THSD7B: variants seen among roughly 807,000 people sequenced by gnomAD.
THSD7B encodes thrombospondin type-1 domain-containing protein 7B.
Under a neutral mutation model 213.6 loss-of-function variants are expected in THSD7B, and 138 were observed. That is an observed-to-expected ratio of 0.65 (90% CI 0.56 to 0.74). THSD7B has a LOEUF of 0.74. THSD7B is among the 30% of genes least tolerant of loss of function. The pLI, the probability that THSD7B is intolerant of heterozygous loss-of-function variation, is 0.00. For missense variants in THSD7B, 1,931 were observed against 1,991.5 expected, an observed-to-expected ratio of 0.97 and a Z score of 0.58; for synonymous variants, 742 against 687.0, an observed-to-expected ratio of 1.08 and a Z score of -1.25.
chr2:137,057,659 G>A (rs1180933091), intron 3 of THSD7B, among the ~76,000 whole-genome samples: 1 of 151,958 alleles, frequency 6.6e-6, no homozygotes, highest in Admixed American at 6.6e-5. Flanking sequence ...TTTTATTTTT[G>A]TTTTTATTTG....
chr2:137,055,744 C>T (rs1208148375), intron 2 of THSD7B, among the ~76,000 whole-genome samples: 3 of 152,210 alleles, frequency 2.0e-5, no homozygotes, highest in African/African-American at 7.2e-5. Context: ...AGAATTTCCA[C>T]AGACAATTCA....
intron 5 of THSD7B, among the ~76,000 whole-genome samples, chr2:137,157,102 G>A (rs1170052467): frequency 6.6e-6 from 1 of 152,222 alleles, no homozygotes; most frequent in Non-Finnish European, 1.5e-5. Flanking sequence ...CTAACACTGT[G>A]TTAACAAATG....
chr2:137,120,780 G>T (rs577611777), intron 5 of THSD7B, among the ~76,000 whole-genome samples: 5 of 152,168 alleles, frequency 3.3e-5, no homozygotes, highest in Non-Finnish European at 7.4e-5. Flanking sequence ...TACCTAGGCC[G>T]AGTGCAAACA....
chr2:136,944,771 G>A (rs1471367082), intron 2 of THSD7B, among the ~76,000 whole-genome samples: 1 of 143,988 alleles, frequency 6.9e-6, no homozygotes, highest in Non-Finnish European at 1.5e-5. Context: ...TTTATTTTGA[G>A]CCTAGTGTTT....
chr2:136,814,183 A>G (rs890098740), intron 1 of THSD7B, among the ~76,000 whole-genome samples: 2 of 152,190 alleles, frequency 1.3e-5, no homozygotes, highest in Non-Finnish European at 2.9e-5. Flanking sequence ...TTGTTCCTAG[A>G]TGAAGATATC....
intron 15 of THSD7B, among the ~76,000 whole-genome samples, chr2:137,477,578 G>A (rs1456125318): frequency 6.6e-6 from 1 of 151,492 alleles, no homozygotes; most frequent in African/African-American, 2.4e-5. Context: ...ACTGATTTCT[G>A]GTAGTTTTGT....
intron 1 of THSD7B, among the ~76,000 whole-genome samples, chr2:136,802,968 T>A (rs549697613): frequency 1.1e-4 from 16 of 152,026 alleles, no homozygotes; most frequent in South Asian, 8.3e-4. Flanking sequence ...GTCAACATTA[T>A]TATTTTTCAA....
chr2:137,044,782 A>G (rs1208022370), intron 2 of THSD7B, among the ~76,000 whole-genome samples: 2 of 152,140 alleles, frequency 1.3e-5, no homozygotes, highest in East Asian at 3.8e-4. Context: ...GGATAAAATG[A>G]CTGTGCGATG....
chr2:137,040,383 T>A (rs922314596), intron 2 of THSD7B, among the ~76,000 whole-genome samples: 6 of 138,828 alleles, frequency 4.3e-5, no homozygotes, highest in Non-Finnish European at 9.4e-5. Context: ...TCTCCTCCTC[T>A]TTCTTTCTTC....
rs533956799 is a variant in THSD7B at position 136,817,503 on chromosome 2, G to A, written c.-36+51816G>A. Among the ~76,000 whole-genome samples the A allele has an allele frequency of 5.7e-3, 856 of 151,352 alleles. 5 individuals are homozygous for A. Among genetic ancestry groups the A allele is most frequent in the Non-Finnish European group, 8.7e-3 (589 of 67,780 alleles). ...GGGTTTTTATAGTTTTAGGTCTAACGTTTAAGTCTTTAATCCATCTTGAAT... is the reference window on the plus strand; with the variant it reads ...GGGTTTTTATAGTTTTAGGTCTAACATTTAAGTCTTTAATCCATCTTGAAT... On this transcript the variant is annotated intron_variant, in intron 1 of 27. Coordinates refer to ENST00000409968, the MANE Select transcript of THSD7B (RefSeq NM_001316349.2).
intron 12 of THSD7B, among the ~76,000 whole-genome samples, chr2:137,330,469 C>T (rs900040565): frequency 6.6e-6 from 1 of 152,194 alleles, no homozygotes; most frequent in South Asian, 2.1e-4. Context: ...AGTGTTACAG[C>T]TCTTAAGGTG....
chr2:137,622,095 C>CTCATG (rs1247888761), intron 20 of THSD7B, among the ~76,000 whole-genome samples: 3 of 152,156 alleles, frequency 2.0e-5, no homozygotes, highest in African/African-American at 4.8e-5. Flanking sequence ...ACCCACACAC[C>CTCATG]ACCCCATAGA....
intron 20 of THSD7B, among the ~76,000 whole-genome samples, chr2:137,635,139 C>G (rs372592669): frequency 2.4e-4 from 37 of 152,228 alleles, no homozygotes; most frequent in African/African-American, 8.7e-4. Flanking sequence ...AGCAAATTTA[C>G]CCTACTATGA....
intron 15 of THSD7B, among the ~76,000 whole-genome samples, chr2:137,561,226 T>A (rs1681111387): frequency 6.6e-6 from 1 of 152,106 alleles, no homozygotes; most frequent in Non-Finnish European, 1.5e-5. Flanking sequence ...AAGAAACCAA[T>A]ATACAATCAG....
chr2:137,247,612 T>A (rs2105070017), intron 10 of THSD7B, among the ~76,000 whole-genome samples: 1 of 152,250 alleles, frequency 6.6e-6, no homozygotes, highest in South Asian at 2.1e-4. Flanking sequence ...CTCCTTTAAC[T>A]TTCATCTCTA....
At chr2:137,522,971 A>G (rs962631296) in intron 15 of THSD7B, among the ~76,000 whole-genome samples, 3 of 152,254 alleles carry the variant, frequency 2.0e-5, no homozygotes, top group African/African-American at 7.2e-5. Context: ...GACTTTCCAC[A>G]TAGTGGTTAC....
At chr2:136,802,681 A>ATATG (rs1682211617) in intron 1 of THSD7B, among the ~76,000 whole-genome samples, 1 of 130,432 alleles carries the variant, frequency 7.7e-6, no homozygotes, top group African/African-American at 2.9e-5. Flanking sequence ...ATATATATAT[A>ATATG]TGTAGTATTT....
intron 1 of THSD7B, among the ~76,000 whole-genome samples, chr2:136,880,433 A>G (rs1224958287): frequency 6.6e-6 from 1 of 152,082 alleles, no homozygotes; most frequent in Non-Finnish European, 1.5e-5. Flanking sequence ...CATAATACAT[A>G]TATTGCGGTA....
chr2:137,246,927 C>G (rs1261905848), intron 10 of THSD7B, among the ~76,000 whole-genome samples: 1 of 152,166 alleles, frequency 6.6e-6, no homozygotes, highest in Non-Finnish European at 1.5e-5. Flanking sequence ...AGCCTCATCC[C>G]AGCCCGCCCA....
Sources: allele counts gnomAD v4.1 joint callset (sites outside exome capture counted in the v4.1 genomes callset), GRCh38; gene constraint gnomAD v4.1.1; transcripts MANE v1.5; gene names NCBI Gene and HGNC (gene_info 2026-07-23, HGNC 2026-07-21).